The following EPHA3 variants were observed in gnomAD, a reference collection of about 807,000 sequenced individuals.
EPHA3 encodes ephrin type-A receptor 3.
In EPHA3, 42 loss-of-function variants were observed where a neutral mutation model predicts 107.1. The observed-to-expected ratio is 0.39, with a 90% CI of 0.31 to 0.51. The LOEUF (loss-of-function observed/expected upper bound fraction) is 0.51, where lower values mean the gene tolerates loss of function less well. Among genes scored for constraint, EPHA3 ranks in the 20% least tolerant of loss-of-function variants. The pLI, the probability that EPHA3 is intolerant of heterozygous loss-of-function variation, is 0.78. For missense variants in EPHA3, 1,183 were observed against 1,211.2 expected (o/e 0.98, Z 0.35); for synonymous variants, 461 against 424.8 (o/e 1.09, Z -1.05).
chr3:89,457,377 A>G (rs529768343), intron 15 of EPHA3, among the ~76,000 whole-genome samples: 8 of 152,280 alleles, frequency 5.3e-5, no homozygotes, highest in Middle Eastern at 3.4e-3. Context: ...GCTGGTGAGC[A>G]TTACCGCCTG....
chr3:89,378,083 A>G (rs910887989), intron 5 of EPHA3, among the ~76,000 whole-genome samples: 2 of 152,018 alleles, frequency 1.3e-5, no homozygotes, highest in Non-Finnish European at 1.5e-5. Flanking sequence ...GGACACAGGG[A>G]GAGGAACATC....
chr3:89,149,354 T>C (rs1399645526), intron 2 of EPHA3, among the ~76,000 whole-genome samples: 2 of 152,026 alleles, frequency 1.3e-5, no homozygotes, highest in Admixed American at 6.6e-5. Flanking sequence ...GGTTTCCTTT[T>C]CTGAAATAGA....
At chr3:89,222,777 G>C (rs779415916) in intron 3 of EPHA3, among the ~76,000 whole-genome samples, 1 of 152,060 alleles carries the variant, frequency 6.6e-6, no homozygotes, top group Non-Finnish European at 1.5e-5. Context: ...CACAAAATAC[G>C]TTAATAAATA....
chr3:89,305,757 C>T (rs1200225044), intron 3 of EPHA3, among the ~76,000 whole-genome samples: 8 of 152,060 alleles, frequency 5.3e-5, no homozygotes, highest in Non-Finnish European at 7.4e-5. Context: ...TCCAGTCTCC[C>T]GACTATGTGC....
intron 3 of EPHA3, among the ~76,000 whole-genome samples, chr3:89,313,161 A>G (rs1706807087): frequency 1.3e-5 from 2 of 151,928 alleles, no homozygotes; most frequent in African/African-American, 2.4e-5. Flanking sequence ...CAATTATTTT[A>G]TTTTACAATA....
chr3:89,137,248 A>G (rs959671085), intron 2 of EPHA3, among the ~76,000 whole-genome samples: 9 of 151,956 alleles, frequency 5.9e-5, no homozygotes, highest in African/African-American at 2.2e-4. Context: ...TATGAAGGAT[A>G]TAAGAACAAG....
chr3:89,232,025 G>A (rs1183726993), intron 3 of EPHA3, among the ~76,000 whole-genome samples: 1 of 152,100 alleles, frequency 6.6e-6, no homozygotes, highest in Non-Finnish European at 1.5e-5. Context: ...GATCTGAAGG[G>A]CAGAAGGGAG....
At chr3:89,255,221 A>G (rs917614504) in intron 3 of EPHA3, among the ~76,000 whole-genome samples, 1 of 152,232 alleles carries the variant, frequency 6.6e-6, no homozygotes, top group African/African-American at 2.4e-5. Context: ...CTATGGTAGC[A>G]TTTTATTACA....
chr3:89,428,684 G>A (rs866540610), intron 11 of EPHA3, among the ~76,000 whole-genome samples: 36 of 152,164 alleles, frequency 2.4e-4, no homozygotes, highest in Middle Eastern at 3.4e-3. Context: ...TGCCCTACAC[G>A]TATATATGTG....
intron 3 of EPHA3, among the ~76,000 whole-genome samples, chr3:89,223,551 C>A (rs972996193): frequency 1.3e-5 from 2 of 152,198 alleles, no homozygotes; most frequent in African/African-American, 4.8e-5. Context: ...TAGACAGTTT[C>A]TGTACGTTCC....
At chr3:89,275,305 G>A (rs1705780350) in intron 3 of EPHA3, among the ~76,000 whole-genome samples, 1 of 151,958 alleles carries the variant, frequency 6.6e-6, no homozygotes, top group African/African-American at 2.4e-5. Flanking sequence ...AGCTATGGTG[G>A]AAGAAAGAAA....
intron 7 of EPHA3, among the ~76,000 whole-genome samples, chr3:89,404,270 G>A (rs1371808733): frequency 6.6e-6 from 1 of 152,124 alleles, no homozygotes; most frequent in Non-Finnish European, 1.5e-5. Context: ...GAGTACTTTT[G>A]CAAAGTTTTA....
In EPHA3 at chr3:89,469,618, G is replaced by A. The variant is rs143611203; in HGVS notation, c.2691-2846G>A. Among the ~76,000 whole-genome samples the A allele has an allele frequency of 7.7e-4, 117 of 152,238 alleles. 2 individuals carry two copies. The East Asian group carries it at 0.017, about 23-fold the overall frequency. On this transcript the variant is annotated intron_variant, in intron 15 of 16. Transcript: ENST00000336596. ...AATTAAAAGACCTATTTAAGTGTGC[G>A]CAGAGCTGGCACAGATTTGCTTCAT...
At chr3:89,378,447 T>G (rs1329197707) in intron 5 of EPHA3, among the ~76,000 whole-genome samples, 1 of 152,194 alleles carries the variant, frequency 6.6e-6, no homozygotes, top group Non-Finnish European at 1.5e-5. Context: ...TTAACTATTT[T>G]TCGTGTCAAT....
intron 3 of EPHA3, among the ~76,000 whole-genome samples, chr3:89,334,404 C>A (rs543484477): frequency 6.6e-6 from 1 of 152,294 alleles, no homozygotes; most frequent in Non-Finnish European, 1.5e-5. Flanking sequence ...CAGTGATGAA[C>A]ATGAAGTTAA....
At chr3:89,208,538 A>AAAAAAGAAAGAGAAAGAAAGAAAGAT (rs1343695324) in intron 2 of EPHA3, among the ~76,000 whole-genome samples, 3 of 149,548 alleles carry the variant, frequency 2.0e-5, no homozygotes, top group Non-Finnish European at 4.4e-5. Context: ...GAAAGAAAGA[A>AAAAAAGAAAGAGAAAGAAAGAAAGAT]AAAAAGAAAG....
chr3:89,215,461 G>A (rs1451586435), intron 3 of EPHA3, among the ~76,000 whole-genome samples: 1 of 151,762 alleles, frequency 6.6e-6, no homozygotes, highest in Non-Finnish European at 1.5e-5. Context: ...TGCAAGTTTA[G>A]GAAAATAGAA....
At chr3:89,285,674 T>C (rs35665203) in intron 3 of EPHA3, among the ~76,000 whole-genome samples, 36,024 of 152,144 alleles carry the variant, frequency 0.24, 4,769 homozygotes, top group African/African-American at 0.38. Context: ...ATTTCACGAA[T>C]ATTAATGTTT....
rs758942025 is a variant in EPHA3, at chr3:89,413,159, G to A, written c.1781G>A (p.Arg594Lys). ...GNGHLKLPGL[R>K]TYVDPHTYED... The stretch of plus-strand genomic sequence containing the variant: ...CAAACAGTAAAACTTCCAGGTCTCA[G>A]GACTTATGTTGACCCACATACATAT... The change falls in exon 10 of 17, where the codon AGG becomes AAG. Residue 594 changes from arginine (R) to lysine (K), a missense_variant. By Grantham distance (26) the Arg-to-Lys change is conservative (BLOSUM62 2). Transcript: ENST00000336596. 2.5e-6 allele frequency: 4 copies of A among 1,611,308 alleles called. No individual in the cohort carries two copies. The highest frequency in any genetic ancestry group is 4.5e-5 in the East Asian group (2 of 44,796).
Sources: allele counts gnomAD v4.1 joint callset (sites outside exome capture counted in the v4.1 genomes callset), GRCh38; gene constraint gnomAD v4.1.1; transcripts MANE v1.5; gene names NCBI Gene and HGNC (gene_info 2026-07-23, HGNC 2026-07-21).